Variants in COMMD10 observed in about 807,000 individuals in gnomAD.
The protein encoded by COMMD10 is COMM domain containing 10.
COMMD10 carries 33 observed loss-of-function variants against 28.9 expected under a neutral mutation model. The observed-to-expected ratio is 1.14, with a 90% CI of 0.87 to 1.53. The LOEUF (loss-of-function observed/expected upper bound fraction) is 1.53, where lower values mean the gene tolerates loss of function less well. COMMD10 is among the 40% of genes most tolerant of loss of function. COMMD10 has a pLI of 0.00. For synonymous variants in COMMD10, 110 were observed against 81.7 expected (o/e 1.35, Z -1.87); for missense variants, 310 against 233.4 (o/e 1.33, Z -2.14).
At chr5:116,196,641 AAG>A (rs1251017706) in intron 5 of COMMD10, among the ~76,000 whole-genome samples, 44 of 152,124 alleles carry the variant, frequency 2.9e-4, no homozygotes, top group African/African-American at 9.4e-4. Flanking sequence ...TTTTTAAAAA[AAG>A]AAAAATGTTT....
At chr5:116,238,948 A>G (rs1486916203) in intron 5 of COMMD10, among the ~76,000 whole-genome samples, 1 of 152,140 alleles carries the variant, frequency 6.6e-6, no homozygotes, top group Non-Finnish European at 1.5e-5. Flanking sequence ...TTAGAGTTCC[A>G]AAAATTTGTT....
Position 116,264,020 on chromosome 5 carries a change from G to C in COMMD10, c.511-27497G>C, listed in dbSNP as rs141901396. Among the ~76,000 whole-genome samples the C allele has an allele frequency of 4.0e-5, 6 of 151,870 alleles. No homozygotes were observed. In the East Asian group the frequency reaches 9.7e-4, roughly 25 times the overall value. Reference sequence around the variant, plus strand: ...AAACCGTACTTCCTGAAAAGATTAAGAGTTAGACAGCTAGACTTTATTCAG... The same window carrying C: ...AAACCGTACTTCCTGAAAAGATTAACAGTTAGACAGCTAGACTTTATTCAG... On this transcript the variant is annotated intron_variant, in intron 5 of 6. Transcript: ENST00000274458.
At chr5:116,086,752 A>G (rs1750113332) in intron 1 of COMMD10, among the ~76,000 whole-genome samples, 1 of 152,164 alleles carries the variant, frequency 6.6e-6, no homozygotes, top group African/African-American at 2.4e-5. Flanking sequence ...GAGCCACTGC[A>G]GGACTGATTG....
chr5:116,106,422 A>T (rs10900712), intron 4 of COMMD10, among the ~76,000 whole-genome samples: 77,048 of 151,926 alleles, frequency 0.51, 22,018 homozygotes, highest in Non-Finnish European at 0.65. Context: ...TCAATTTTAG[A>T]ATAAGTGCGT....
At chr5:116,220,951 C>G (rs183849380) in intron 5 of COMMD10, among the ~76,000 whole-genome samples, 11 of 152,228 alleles carry the variant, frequency 7.2e-5, no homozygotes, top group African/African-American at 2.6e-4. Flanking sequence ...GCTCTCTGGT[C>G]TGCTTCTTCA....
chr5:116,202,401 A>G (rs1237744696), intron 5 of COMMD10, among the ~76,000 whole-genome samples: 1 of 152,080 alleles, frequency 6.6e-6, no homozygotes, highest in Non-Finnish European at 1.5e-5. Context: ...GTATATACCC[A>G]GTAATGGAAT....
intron 4 of COMMD10, among the ~76,000 whole-genome samples, chr5:116,122,772 GCTCT>G (rs1437061925): frequency 6.6e-6 from 1 of 151,992 alleles, no homozygotes; most frequent in African/African-American, 2.4e-5. Context: ...TCATGATTTG[GCTCT>G]CTGTCTGTTA....
intron 5 of COMMD10, among the ~76,000 whole-genome samples, chr5:116,246,961 G>A (rs528587946): frequency 8.5e-5 from 13 of 152,090 alleles, no homozygotes; most frequent in African/African-American, 3.1e-4. Flanking sequence ...TGCAACAAAA[G>A]CAAAAATTGA....
intron 5 of COMMD10, among the ~76,000 whole-genome samples, chr5:116,241,628 T>C (rs1561387750): frequency 2.0e-5 from 3 of 149,594 alleles, no homozygotes; most frequent in African/African-American, 7.4e-5. Context: ...ATTTATTTAT[T>C]TTGAGATGGA....
chr5:116,187,927 C>T (rs748099019), intron 5 of COMMD10, among the ~76,000 whole-genome samples: 1 of 152,078 alleles, frequency 6.6e-6, no homozygotes, highest in Non-Finnish European at 1.5e-5. Flanking sequence ...GGACTTTACC[C>T]TGTAATCACA....
intron 5 of COMMD10, among the ~76,000 whole-genome samples, chr5:116,253,062 ATT>A (rs1750166972): frequency 1.3e-5 from 1 of 74,638 alleles, no homozygotes; most frequent in East Asian, 3.1e-4. Context: ...CTTTGAAGCA[ATT>A]GTGAATGGGA....
chr5:116,087,628 T>C, intron 2 of COMMD10, 41 bp downstream of exon 2: 1 of 1,318,082 alleles, frequency 7.6e-7, no homozygotes, highest in South Asian at 1.2e-5. Context: ...ATCTTCCTTC[T>C]GATTTAATTG....
At chr5:116,125,745 G>C (rs552714409) in intron 4 of COMMD10, among the ~76,000 whole-genome samples, 1 of 151,932 alleles carries the variant, frequency 6.6e-6, no homozygotes, top group Non-Finnish European at 1.5e-5. Context: ...GGCTTTGTTC[G>C]TTTCTTTTTA....
intron 4 of COMMD10, among the ~76,000 whole-genome samples, chr5:116,096,783 G>T (rs536374127): frequency 4.6e-5 from 7 of 151,954 alleles, no homozygotes; most frequent in Non-Finnish European, 8.8e-5. Flanking sequence ...CTACTCTCAA[G>T]TGTCTTCTAT....
At chr5:116,176,242 GC>G (rs1464497323) in intron 5 of COMMD10, among the ~76,000 whole-genome samples, 1 of 152,144 alleles carries the variant, frequency 6.6e-6, no homozygotes, top group East Asian at 1.9e-4. Context: ...CTCCTGAGTA[GC>G]TGAGATTACA....
intron 5 of COMMD10, among the ~76,000 whole-genome samples, chr5:116,146,885 TA>T (rs1752368047): frequency 6.6e-6 from 1 of 151,924 alleles, no homozygotes. Context: ...AAAATCTCTT[TA>T]TTTTTGTTTT....
intron 5 of COMMD10, among the ~76,000 whole-genome samples, chr5:116,177,821 A>G (rs190490459): frequency 8.9e-4 from 136 of 152,214 alleles, no homozygotes; most frequent in African/African-American, 3.2e-3. Context: ...TTTCATTTGT[A>G]TATGTATCTC....
chr5:116,210,361 T>C (rs954858611), intron 5 of COMMD10, among the ~76,000 whole-genome samples: 1 of 151,798 alleles, frequency 6.6e-6, no homozygotes, highest in Non-Finnish European at 1.5e-5. Context: ...AGCACACATA[T>C]ACAGGCATAC....
At chr5:116,267,596 T>G (rs1464346164) in intron 5 of COMMD10, among the ~76,000 whole-genome samples, 1 of 151,818 alleles carries the variant, frequency 6.6e-6, no homozygotes, top group African/African-American at 2.4e-5. Flanking sequence ...TGGAAAAAAC[T>G]ACTTTAAAGT....
Sources: gnomAD v4.1 joint callset for allele counts (sites outside exome capture counted in the v4.1 genomes callset) on GRCh38, gnomAD v4.1.1 for gene constraint, MANE v1.5 for transcripts, NCBI Gene and HGNC (gene_info 2026-07-23, HGNC 2026-07-21) for gene names.